The following MIER2 variants were observed in gnomAD, a reference collection of about 807,000 sequenced individuals.
MIER2 encodes the protein mesoderm induction early response protein 2.
Under a neutral mutation model 67.6 loss-of-function variants are expected in MIER2, and 30 were observed. The ratio of observed to expected loss-of-function variants is 0.44; its 90% CI spans 0.33 to 0.60. MIER2 has a LOEUF of 0.60. Among genes scored for constraint, MIER2 ranks in the 20% least tolerant of loss-of-function variants. The pLI is 0.02. For synonymous variants in MIER2, 372 were observed against 312.6 expected (o/e 1.19, Z -2.00); for missense variants, 702 against 745.1 (o/e 0.94, Z 0.67).
intron 1 of MIER2, among the ~76,000 whole-genome samples, chr19:341,514 CG>C (rs1568240597): frequency 6.6e-6 from 1 of 152,092 alleles, no homozygotes; most frequent in Admixed American, 6.6e-5. Context: ...CATTTCCAGG[CG>C]ACTCTGAGTT....
intron 3 of MIER2, among the ~76,000 whole-genome samples, chr19:328,692 G>A (rs188514554): frequency 6.6e-6 from 1 of 152,252 alleles, no homozygotes; most frequent in Non-Finnish European, 1.5e-5. Context: ...AGGTTGCAGT[G>A]AGCCAAGATC....
intron 7 of MIER2, among the ~76,000 whole-genome samples, chr19:316,362 G>A (rs1879446122): frequency 6.6e-6 from 1 of 151,642 alleles, no homozygotes; most frequent in Non-Finnish European, 1.5e-5. Flanking sequence ...GTGCGATCTT[G>A]GCTCACTGCA....
At chr19:341,463 C>T (rs755200924) in intron 1 of MIER2, among the ~76,000 whole-genome samples, 101 of 152,124 alleles carry the variant, frequency 6.6e-4, no homozygotes, top group Non-Finnish European at 6.2e-4. Flanking sequence ...CAGAAAGGGC[C>T]GCTAACAGGG....
At chr19:310,494 G>C (rs8108731) in intron 10 of MIER2, among the ~76,000 whole-genome samples, 1 of 81,086 alleles carries the variant, frequency 1.2e-5, no homozygotes, top group Non-Finnish European at 2.2e-5. Context: ...CCAGAAACAC[G>C]GCCGGGAGTT....
intron 7 of MIER2, among the ~76,000 whole-genome samples, chr19:318,072 C>T (rs1298484141): frequency 2.0e-5 from 3 of 152,002 alleles, no homozygotes; most frequent in Admixed American, 6.6e-5. Context: ...GGCATGGTGG[C>T]GGACGCCTGT....
In MIER2 at chr19:308,723, G is replaced by C; in HGVS notation, c.1110-58C>G. Reference sequence around the variant, plus strand: ...ACAGGACAGACGCCCCCACCCAAGAGGTGCCGCCCAGGCGCCCACGTGCCC... The same window carrying C: ...ACAGGACAGACGCCCCCACCCAAGACGTGCCGCCCAGGCGCCCACGTGCCC... On this transcript the variant is annotated intron_variant, in intron 11 of 13. Coordinates refer to ENST00000264819, the MANE Select transcript of MIER2 (RefSeq NM_017550.3). This position sits in a 1 kb window ranked among gnomAD's most constrained non-coding sequence, Gnocchi z 9.1. The C allele has an allele frequency of 6.3e-7, 1 of 1,593,598 alleles. No homozygotes were observed. The highest frequency in any genetic ancestry group is 8.6e-7 in the Non-Finnish European group (1 of 1,167,976).
intron 7 of MIER2, among the ~76,000 whole-genome samples, chr19:319,985 T>A (rs532874394): frequency 6.6e-6 from 1 of 152,316 alleles, no homozygotes; most frequent in African/African-American, 2.4e-5. Context: ...TTAATCCAGG[T>A]GCTCACAGCG....
chr19:326,145 G>A (rs1240373052), intron 6 of MIER2, among the ~76,000 whole-genome samples: 1 of 150,694 alleles, frequency 6.6e-6, no homozygotes, highest in East Asian at 2.0e-4. Flanking sequence ...AGAGCCATGG[G>A]AGGGATGCCA....
chr19:330,826 G>C (rs1387715319), intron 3 of MIER2, among the ~76,000 whole-genome samples: 1 of 152,156 alleles, frequency 6.6e-6, no homozygotes, highest in Non-Finnish European at 1.5e-5. Flanking sequence ...GCTGGACCTT[G>C]ATCATGGACC....
Position 344,495 on chromosome 19 carries a change from T to A in MIER2, c.9+279A>T, listed in dbSNP as rs1010594787. 2.3e-5 allele frequency: 11 copies of A among 481,404 alleles called. No individual in the cohort carries two copies. In the South Asian group the frequency reaches 8.1e-4, roughly 35 times the overall value. 29.8% of individuals were successfully genotyped at this position (481,404 alleles called of 1,614,324 possible). A position where few individuals can be genotyped will look rare whatever the true frequency, so the allele number is the denominator to read the frequency against. ...CCAGCCCCGCCCCGCGTCCCTCCCC[T>A]CCCCCACCCCGGCCCCCGCCCGCCC... On this transcript the variant is annotated intron_variant, in intron 1 of 13. Transcript: ENST00000264819.
Position 306,669 on chromosome 19 carries a change from T to A in MIER2, c.*21A>T, listed in dbSNP as rs1217428438. The stretch of plus-strand genomic sequence containing the variant: ...AGCGCTAAGTCCAGTCTGGGCCGCA[T>A]ACGCCGCCCGCGGCCAGGAGTCAGC... On this transcript the variant is annotated 3_prime_UTR_variant, in exon 14 of 14. Coordinates refer to ENST00000264819, the MANE Select transcript of MIER2 (RefSeq NM_017550.3). 4.5e-6 allele frequency: 7 copies of A among 1,553,102 alleles called. No homozygotes were observed. The highest frequency in any genetic ancestry group is 6.1e-6 in the Non-Finnish European group (7 of 1,148,076).
At chr19:315,103 G>A (rs1045197152) in intron 7 of MIER2, among the ~76,000 whole-genome samples, 2 of 151,920 alleles carry the variant, frequency 1.3e-5, no homozygotes, top group African/African-American at 4.8e-5. Context: ...GGTGGCTCAC[G>A]CCTGTCATCC....
At chr19:327,545 G>A (rs1379363873) in intron 4 of MIER2, among the ~76,000 whole-genome samples, 3 of 152,202 alleles carry the variant, frequency 2.0e-5, no homozygotes, top group Non-Finnish European at 4.4e-5. Flanking sequence ...CTTCTACAAT[G>A]CAGCCCGCCC....
chr19:323,326 A>C (rs187281371), intron 7 of MIER2, among the ~76,000 whole-genome samples: 110 of 147,768 alleles, frequency 7.4e-4, no homozygotes, highest in African/African-American at 2.6e-3. Flanking sequence ...ACATACAACC[A>C]CGCAGACGAC....
intron 7 of MIER2, among the ~76,000 whole-genome samples, chr19:314,177 G>A (rs945007250): frequency 3.9e-5 from 6 of 152,174 alleles, no homozygotes; most frequent in East Asian, 3.9e-4. Context: ...AGGCACTGTC[G>A]CGCTCTAACC....
chr19:322,196 C>T (rs537616970), intron 7 of MIER2, among the ~76,000 whole-genome samples: 6 of 152,234 alleles, frequency 3.9e-5, no homozygotes, highest in South Asian at 2.1e-4. Context: ...TGAGCCACCA[C>T]GCCCAGCCAC....
intron 6 of MIER2, 135 bp from the exon 7 acceptor site, chr19:325,839 T>G: frequency 1.1e-6 from 1 of 910,596 alleles, no homozygotes; most frequent in East Asian, 2.6e-5. Flanking sequence ...GCCGTCTACC[T>G]GCTGATGCCC....
chr19:307,575 C>A (rs772597692), intron 12 of MIER2, 39 bp from the exon 13 acceptor site: 1 of 1,470,880 alleles, frequency 6.8e-7, no homozygotes, highest in Admixed American at 2.5e-5. Context: ...GGCCTGCCCA[C>A]AGCCGCGGAT....
rs1414261382 is a variant in MIER2 at position 308,485 on chromosome 19, A to G, written c.1198+92T>C. 1.5e-6 allele frequency: 2 copies of G among 1,348,334 alleles called. No individual in the cohort carries two copies. Among genetic ancestry groups the G allele is most frequent in the Non-Finnish European group, 2.0e-6 (2 of 992,926 alleles). 83.5% of individuals were successfully genotyped at this position (1,348,334 alleles called of 1,614,324 possible). ...CCTCCTGGCGAGGCTGGCCCAGCAC[A>G]GGGCGCCAGGCAGGAGAGGCTCCAC... On this transcript the variant is annotated intron_variant, in intron 12 of 13. Coordinates refer to ENST00000264819, the MANE Select transcript of MIER2 (RefSeq NM_017550.3). This position sits in a 1 kb window ranked among gnomAD's most constrained non-coding sequence, Gnocchi z 9.1.
Sources: allele counts gnomAD v4.1 joint callset (sites outside exome capture counted in the v4.1 genomes callset), GRCh38; gene constraint gnomAD v4.1.1; non-coding constraint Gnocchi (gnomAD v3.1); transcripts MANE v1.5; gene names NCBI Gene and HGNC (gene_info 2026-07-23, HGNC 2026-07-21).